The following PINX1 variants were observed in gnomAD, a reference collection of about 807,000 sequenced individuals.
The protein encoded by PINX1 is PIN2/TERF1-interacting telomerase inhibitor 1.
Under a neutral mutation model 25.4 loss-of-function variants are expected in PINX1, and 34 were observed. The observed-to-expected ratio is 1.34, with a 90% CI of 1.02 to 1.78. The LOEUF (loss-of-function observed/expected upper bound fraction) is 1.78, where lower values mean the gene tolerates loss of function less well. PINX1 is among the 40% of genes most tolerant of loss of function. The probability of loss-of-function intolerance (pLI) is 0.00; values close to 1 mark genes in which losing one functional copy is unlikely to be tolerated. For missense variants in PINX1, 592 were observed against 404.9 expected (o/e 1.46, Z -3.97); for synonymous variants, 197 against 147.7 (o/e 1.33, Z -2.42).
At chr8:10,835,488 G>A (rs1798376962) in intron 1 of PINX1, among the ~76,000 whole-genome samples, 1 of 152,182 alleles carries the variant, frequency 6.6e-6, no homozygotes, top group Non-Finnish European at 1.5e-5. Flanking sequence ...CCACACATGT[G>A]ACCTACAGAT....
rs141952708 is a variant in PINX1, at chr8:10,775,948, C to G, written c.472-10032G>C. Among the ~76,000 whole-genome samples, 322 of 152,286 alleles carry G rather than the reference C, an allele frequency of 2.1e-3. 6 individuals carry two copies. In the Middle Eastern group the frequency reaches 0.027, roughly 13 times the overall value. ...GCAGCGGGGTGGGGGCAACCCAAAGCTCATGTCCCAACCCTCCCCTCAAAT... is the reference window on the plus strand; with the variant it reads ...GCAGCGGGGTGGGGGCAACCCAAAGGTCATGTCCCAACCCTCCCCTCAAAT... On this transcript the variant is annotated intron_variant, in intron 6 of 6. Coordinates refer to ENST00000314787, the MANE Select transcript of PINX1 (RefSeq NM_017884.6).
At chr8:10,812,440 T>A (rs916803630) in intron 6 of PINX1, among the ~76,000 whole-genome samples, 14 of 152,194 alleles carry the variant, frequency 9.2e-5, no homozygotes, top group Non-Finnish European at 1.8e-4. Flanking sequence ...TAGCTGGGAC[T>A]CTTGCCTGGT....
chr8:10,797,284 C>A (rs1160787740), intron 6 of PINX1, among the ~76,000 whole-genome samples: 1 of 152,150 alleles, frequency 6.6e-6, no homozygotes, highest in African/African-American at 2.4e-5. Context: ...AGTGTTTCAA[C>A]CGCACTCTAA....
At chr8:10,799,319 T>C (rs1233031236) in intron 6 of PINX1, among the ~76,000 whole-genome samples, 1 of 152,216 alleles carries the variant, frequency 6.6e-6, no homozygotes, top group Non-Finnish European at 1.5e-5. Flanking sequence ...TTAAAGGGTG[T>C]GTTCATGCTT....
chr8:10,815,373 T>C (rs547496733), intron 6 of PINX1, among the ~76,000 whole-genome samples: 3 of 152,384 alleles, frequency 2.0e-5, no homozygotes, highest in East Asian at 3.9e-4. Context: ...TTTCTTTTAA[T>C]TTCTATACAT....
At chr8:10,769,204 T>C (rs1178262355) in intron 6 of PINX1, among the ~76,000 whole-genome samples, 1 of 152,168 alleles carries the variant, frequency 6.6e-6, no homozygotes, top group African/African-American at 2.4e-5. Flanking sequence ...TCTCTCTTTT[T>C]CAAATTCCAA....
intron 6 of PINX1, chr8:10,787,735 C>T (rs755861034): frequency 1.6e-5 from 7 of 451,212 alleles, no homozygotes; most frequent in East Asian, 7.0e-5. Context: ...GAAGTGAATA[C>T]ATTAAAGCCC....
intron 6 of PINX1, among the ~76,000 whole-genome samples, chr8:10,777,666 C>T (rs1472323900): frequency 1.3e-5 from 2 of 152,102 alleles, no homozygotes; most frequent in African/African-American, 2.4e-5. Context: ...CCCAAAATTG[C>T]CTTTTTTTTA....
chr8:10,825,750 A>G (rs1250988195), intron 5 of PINX1, among the ~76,000 whole-genome samples: 1 of 152,258 alleles, frequency 6.6e-6, no homozygotes, highest in East Asian at 1.9e-4. Context: ...TAATTCTCTA[A>G]CCTGGCGTAT....
chr8:10,811,257 C>CA (rs768594068), intron 6 of PINX1, among the ~76,000 whole-genome samples: 10 of 152,190 alleles, frequency 6.6e-5, no homozygotes, highest in Admixed American at 3.3e-4. Flanking sequence ...CAAATGCAGG[C>CA]ATATGAAACG....
At chr8:10,779,683 G>A (rs1801521219) in intron 6 of PINX1, among the ~76,000 whole-genome samples, 1 of 152,170 alleles carries the variant, frequency 6.6e-6, no homozygotes. Context: ...GAAACTTACT[G>A]TCGGGAAGTA....
intron 4 of PINX1, among the ~76,000 whole-genome samples, chr8:10,826,492 G>A (rs1323165962): frequency 6.6e-6 from 1 of 152,208 alleles, no homozygotes; most frequent in Non-Finnish European, 1.5e-5. Context: ...CAGAAATTTA[G>A]AAAATCCTTG....
chr8:10,783,128 C>A (rs1377459935), intron 6 of PINX1, among the ~76,000 whole-genome samples: 1 of 152,056 alleles, frequency 6.6e-6, no homozygotes, highest in African/African-American at 2.4e-5. Flanking sequence ...AATCTTAATT[C>A]CATGAAAATG....
chr8:10,807,333 C>T (rs1354091031), intron 6 of PINX1, among the ~76,000 whole-genome samples: 3 of 98,172 alleles, frequency 3.1e-5, no homozygotes, highest in African/African-American at 1.2e-4. Flanking sequence ...CCCCACCCCC[C>T]CCCCCACCAA....
chr8:10,810,950 C>G (rs558054230), intron 6 of PINX1, among the ~76,000 whole-genome samples: 65 of 152,342 alleles, frequency 4.3e-4, no homozygotes, highest in Admixed American at 8.5e-4. Context: ...TGTGACTACG[C>G]ACACACAGAT....
intron 5 of PINX1, among the ~76,000 whole-genome samples, chr8:10,824,754 C>T (rs920574320): frequency 6.6e-6 from 1 of 152,204 alleles, no homozygotes; most frequent in African/African-American, 2.4e-5. Context: ...TAAAAGGCTG[C>T]CACATCATCC....
intron 4 of PINX1, 81 bp downstream of exon 4, chr8:10,831,584 C>G (rs774041693): frequency 4.4e-5 from 36 of 822,398 alleles, no homozygotes; most frequent in Non-Finnish European, 7.0e-5. Flanking sequence ...AATTATGTGT[C>G]AACTAAAAAT....
intron 6 of PINX1, among the ~76,000 whole-genome samples, chr8:10,806,322 G>A (rs539271257): frequency 5.3e-5 from 8 of 152,218 alleles, no homozygotes; most frequent in Admixed American, 1.3e-4. Context: ...ACGCACGTGT[G>A]GGGGAGAGGT....
chr8:10,798,882 G>A (rs932241119), intron 6 of PINX1, among the ~76,000 whole-genome samples: 6 of 152,218 alleles, frequency 3.9e-5, no homozygotes, highest in African/African-American at 1.2e-4. Flanking sequence ...CTTAGAACTG[G>A]AGGCGGTGAA....
Sources: gnomAD v4.1 joint callset for allele counts (sites outside exome capture counted in the v4.1 genomes callset) on GRCh38, gnomAD v4.1.1 for gene constraint, MANE v1.5 for transcripts, NCBI Gene and HGNC (gene_info 2026-07-23, HGNC 2026-07-21) for gene names.